DPP10: variants seen among roughly 807,000 people sequenced by gnomAD.
DPP10 encodes the protein dipeptidyl peptidase like 10.
Under a neutral mutation model 120.9 loss-of-function variants are expected in DPP10, and 33 were observed. The ratio of observed to expected loss-of-function variants is 0.27; its 90% CI spans 0.21 to 0.37. DPP10 has a LOEUF of 0.37. Among genes scored for constraint, DPP10 ranks in the 10% least tolerant of loss-of-function variants. DPP10 has a pLI of 1.00. For synonymous variants in DPP10, 337 were observed against 326.1 expected (o/e 1.03, Z -0.36); for missense variants, 816 against 942.8 (o/e 0.87, Z 1.76).
At chr2:115,468,701 G>A (rs1370533859) in intron 3 of DPP10, 6 of 363,474 alleles carry the variant, frequency 1.7e-5, no homozygotes, top group Non-Finnish European at 3.3e-5. Context: ...GGCTGCTACT[G>A]AAAAAGCTAT....
chr2:115,519,184 G>A (rs1044578820), intron 4 of DPP10, among the ~76,000 whole-genome samples: 4 of 151,710 alleles, frequency 2.6e-5, no homozygotes, highest in Admixed American at 1.3e-4. Context: ...CACTTTCTGC[G>A]AAAAATAAAA....
chr2:114,861,415 T>G (rs986744773), intron 1 of DPP10, among the ~76,000 whole-genome samples: 5 of 152,196 alleles, frequency 3.3e-5, no homozygotes, highest in African/African-American at 1.2e-4. Context: ...CTCACAAAAG[T>G]TAAGAGTATC....
At chr2:115,519,952 A>G (rs779854070) in intron 4 of DPP10, among the ~76,000 whole-genome samples, 8 of 152,334 alleles carry the variant, frequency 5.3e-5, no homozygotes, top group East Asian at 1.9e-4. Context: ...GGCTTTTCTA[A>G]ATATTTTTGT....
chr2:114,840,050 C>T (rs968920257), intron 1 of DPP10, among the ~76,000 whole-genome samples: 2 of 152,186 alleles, frequency 1.3e-5, no homozygotes, highest in Middle Eastern at 3.4e-3. Flanking sequence ...AATATCTCTC[C>T]CCTCCACAAA....
intron 3 of DPP10, among the ~76,000 whole-genome samples, chr2:115,445,526 T>C (rs2072496277): frequency 6.6e-6 from 1 of 152,150 alleles, no homozygotes; most frequent in African/African-American, 2.4e-5. Context: ...TATTGAGAAC[T>C]GGGGCAGAGG....
chr2:115,587,011 T>C (rs929656070), intron 5 of DPP10, among the ~76,000 whole-genome samples: 2 of 151,698 alleles, frequency 1.3e-5, no homozygotes, highest in Non-Finnish European at 2.9e-5. Context: ...ACATTAGACC[T>C]CCAGGACTTG....
At chr2:114,534,214 A>G (rs1444729642) in intron 1 of DPP10, among the ~76,000 whole-genome samples, 1 of 152,116 alleles carries the variant, frequency 6.6e-6, no homozygotes, top group Non-Finnish European at 1.5e-5. Context: ...TATCCCTCTG[A>G]GACTATGAAT....
rs28435107 is a variant in DPP10, at chr2:115,178,011, C to T, written c.61-131228C>T. 7.6e-3 allele frequency among the ~76,000 whole-genome samples: 1,160 copies of T among 152,280 alleles called. 14 individuals are homozygous for T. Among genetic ancestry groups the T allele is most frequent in the African/African-American group, 0.026 (1,093 of 41,546 alleles). On this transcript the variant is annotated intron_variant, in intron 1 of 25. Transcript: ENST00000410059. ...ATCTCCTGACCTCGTGATCCACCTG[C>T]CTCGGCCTCCCAAAGTGACATTGCT...
chr2:115,030,069 T>C (rs1469092451), intron 1 of DPP10, among the ~76,000 whole-genome samples: 1 of 152,176 alleles, frequency 6.6e-6, no homozygotes, highest in Non-Finnish European at 1.5e-5. Flanking sequence ...ATGAATTTCT[T>C]CAACTCAGAG....
chr2:114,497,332 CATGTACATAT>C (rs1682721426), intron 1 of DPP10, among the ~76,000 whole-genome samples: 13 of 21,894 alleles, frequency 5.9e-4, no homozygotes, highest in African/African-American at 1.6e-3. Flanking sequence ...TACGTGTATA[CATGTACATAT>C]ACATACACAT....
intron 1 of DPP10, among the ~76,000 whole-genome samples, chr2:114,982,483 A>G (rs553357812): frequency 6.6e-6 from 1 of 152,254 alleles, no homozygotes; most frequent in Non-Finnish European, 1.5e-5. Flanking sequence ...GGTGTCTGTC[A>G]TGAAACAATG....
intron 1 of DPP10, among the ~76,000 whole-genome samples, chr2:114,846,487 T>G (rs2106468747): frequency 6.6e-6 from 1 of 152,298 alleles, no homozygotes; most frequent in Non-Finnish European, 1.5e-5. Context: ...TAATTGGGCT[T>G]CCATCTCTTC....
chr2:114,704,127 A>G (rs561897577), intron 1 of DPP10, among the ~76,000 whole-genome samples: 3 of 152,252 alleles, frequency 2.0e-5, no homozygotes, highest in Non-Finnish European at 4.4e-5. Context: ...CAATGCTCAG[A>G]ATGATGTATT....
intron 1 of DPP10, chr2:115,233,988 G>A (rs746711382): frequency 1.9e-6 from 1 of 515,316 alleles, no homozygotes; most frequent in Non-Finnish European, 3.9e-6. Flanking sequence ...ACAGTAGGAA[G>A]TTAAATGGAG....
At chr2:115,166,374 T>G (rs1473115523) in intron 1 of DPP10, among the ~76,000 whole-genome samples, 2 of 150,896 alleles carry the variant, frequency 1.3e-5, no homozygotes, top group African/African-American at 2.4e-5. Context: ...GGAGTAGAGT[T>G]CTATATAATT....
intron 1 of DPP10, among the ~76,000 whole-genome samples, chr2:114,913,364 A>G (rs1446223553): frequency 3.9e-5 from 6 of 152,134 alleles, no homozygotes; most frequent in Non-Finnish European, 8.8e-5. Context: ...TGTTGTTGCA[A>G]GTGGACTGGG....
intron 1 of DPP10, among the ~76,000 whole-genome samples, chr2:114,584,109 AT>A (rs1232409252): frequency 1.3e-5 from 2 of 152,178 alleles, no homozygotes; most frequent in Admixed American, 6.5e-5. Flanking sequence ...AAAGCATGAA[AT>A]TTCTATCTTA....
At chr2:114,852,929 C>G (rs1376531592) in intron 1 of DPP10, among the ~76,000 whole-genome samples, 2 of 152,168 alleles carry the variant, frequency 1.3e-5, no homozygotes, top group East Asian at 3.9e-4. Flanking sequence ...TGCCTGATCT[C>G]TCAGAAAGTT....
chr2:115,131,921 T>A (rs1174321552), intron 1 of DPP10: 1 of 147,628 alleles, frequency 6.8e-6, no homozygotes, highest in Non-Finnish European at 1.5e-5. Context: ...AAACCCTGTC[T>A]CTACTAAAAA....
Sources: gnomAD v4.1 joint callset for allele counts (sites outside exome capture counted in the v4.1 genomes callset) on GRCh38, gnomAD v4.1.1 for gene constraint, MANE v1.5 for transcripts, NCBI Gene and HGNC (gene_info 2026-07-23, HGNC 2026-07-21) for gene names.